The following PCDH15 variants were observed in gnomAD, a reference collection of about 807,000 sequenced individuals.
The protein encoded by PCDH15 is protocadherin-15.
Under a neutral mutation model 178.5 loss-of-function variants are expected in PCDH15, and 129 were observed. That is an observed-to-expected ratio of 0.72 (90% CI 0.63 to 0.84). The LOEUF (loss-of-function observed/expected upper bound fraction) is 0.84, where lower values mean the gene tolerates loss of function less well. PCDH15 is among the 40% of genes least tolerant of loss of function. The pLI, the probability that PCDH15 is intolerant of heterozygous loss-of-function variation, is 0.00. For missense variants in PCDH15, 2,230 were observed against 2,099.9 expected (o/e 1.06, Z -1.21); for synonymous variants, 800 against 732.0 (o/e 1.09, Z -1.50).
intron 14 of PCDH15, among the ~76,000 whole-genome samples, chr10:54,134,742 G>A (rs2042747756): frequency 1.4e-5 from 2 of 145,406 alleles, no homozygotes; most frequent in Non-Finnish European, 3.0e-5. Context: ...AACAGAGCAA[G>A]ACTCCGTCTC....
intron 2 of PCDH15, among the ~76,000 whole-genome samples, chr10:55,597,752 C>T (rs1209116730): frequency 6.6e-6 from 1 of 152,112 alleles, no homozygotes; most frequent in Admixed American, 6.5e-5. Flanking sequence ...CAGATTTATA[C>T]CCAACAAGAT....
At chr10:54,824,500 C>T (rs1953095388) in intron 3 of PCDH15, among the ~76,000 whole-genome samples, 1 of 152,120 alleles carries the variant, frequency 6.6e-6, no homozygotes, top group African/African-American at 2.4e-5. Flanking sequence ...AGGAGGCGCT[C>T]TCCAGCCTTT....
intron 5 of PCDH15, among the ~76,000 whole-genome samples, chr10:54,355,762 T>A (rs954558715): frequency 6.6e-6 from 1 of 151,996 alleles, no homozygotes; most frequent in Non-Finnish European, 1.5e-5. Flanking sequence ...CAGAAAAAAA[T>A]TGGTTCTCAG....
At chr10:54,228,881 C>A (rs1028476642) in intron 9 of PCDH15, among the ~76,000 whole-genome samples, 1 of 152,168 alleles carries the variant, frequency 6.6e-6, no homozygotes, top group Non-Finnish European at 1.5e-5. Flanking sequence ...TTTCTACATG[C>A]CTTAAATCAG....
chr10:54,066,711 C>T (rs753745820), intron 18 of PCDH15, 46 bp downstream of exon 18: 2 of 1,582,840 alleles, frequency 1.3e-6, no homozygotes, highest in South Asian at 1.1e-5. Flanking sequence ...TAAACTTACA[C>T]TCTTTGAAAA....
At chr10:54,351,761 T>G (rs1453905391) in intron 5 of PCDH15, among the ~76,000 whole-genome samples, 2 of 152,114 alleles carry the variant, frequency 1.3e-5, no homozygotes, top group South Asian at 2.1e-4. Context: ...CCTGCCCACC[T>G]TTTTTTGCTT....
intron 3 of PCDH15, among the ~76,000 whole-genome samples, chr10:54,866,758 A>G (rs1285436625): frequency 2.7e-5 from 4 of 145,850 alleles, no homozygotes; most frequent in African/African-American, 7.6e-5. Context: ...ACCTCTAAAT[A>G]GAATAAAAAA....
intron 3 of PCDH15, among the ~76,000 whole-genome samples, chr10:54,889,020 C>T (rs1954412706): frequency 6.6e-6 from 1 of 151,626 alleles, no homozygotes; most frequent in Non-Finnish European, 1.5e-5. Flanking sequence ...AATGATGTCT[C>T]CACTAGGCCA....
At chr10:53,844,656 A>G (rs546677590) in intron 28 of PCDH15, among the ~76,000 whole-genome samples, 23 of 152,082 alleles carry the variant, frequency 1.5e-4, no homozygotes, top group African/African-American at 5.1e-4. Flanking sequence ...ATGTATGATG[A>G]TAAGAAACTG....
intron 25 of PCDH15, among the ~76,000 whole-genome samples, chr10:53,911,091 C>G (rs1307879166): frequency 6.6e-6 from 1 of 152,162 alleles, no homozygotes; most frequent in African/African-American, 2.4e-5. Context: ...AAACACTCTT[C>G]AGGATATCAT....
chr10:55,432,935 A>G (rs963090899), intron 2 of PCDH15, among the ~76,000 whole-genome samples: 1 of 152,076 alleles, frequency 6.6e-6, no homozygotes, highest in Non-Finnish European at 1.5e-5. Flanking sequence ...GAGGCGGGAG[A>G]ATGGCCTGAA....
intron 4 of PCDH15, among the ~76,000 whole-genome samples, chr10:54,377,403 G>C (rs1307649915): frequency 1.3e-5 from 2 of 152,132 alleles, no homozygotes; most frequent in South Asian, 2.1e-4. Flanking sequence ...TGGGCACTAG[G>C]TTAAGGATAT....
At chr10:55,401,667 G>A (rs1350321517) in intron 2 of PCDH15, among the ~76,000 whole-genome samples, 1 of 148,878 alleles carries the variant, frequency 6.7e-6, no homozygotes, top group Non-Finnish European at 1.5e-5. Context: ...GAACAAATCT[G>A]CCCAATCAGG....
intron 2 of PCDH15, among the ~76,000 whole-genome samples, chr10:55,158,652 AAAG>A (rs1838965876): frequency 6.6e-6 from 1 of 151,606 alleles, no homozygotes; most frequent in Admixed American, 6.6e-5. Context: ...TGAAATCATT[AAAG>A]AAGTGGTACC....
chr10:54,429,061 TCTTGA>T (rs146256692), intron 3 of PCDH15, among the ~76,000 whole-genome samples: 23,832 of 152,050 alleles, frequency 0.16, 1,982 homozygotes, highest in Middle Eastern at 0.24. Flanking sequence ...TATAAATTAC[TCTTGA>T]CTTAAGTAGA....
At chr10:55,173,104 G>T (rs555073662) in intron 1 of PCDH15, among the ~76,000 whole-genome samples, 2 of 151,246 alleles carry the variant, frequency 1.3e-5, no homozygotes, top group African/African-American at 4.9e-5. Flanking sequence ...TATCAATTCT[G>T]CAAAAAATTG....
chr10:54,719,102 G>A, intron 1 of PCDH15, among the ~76,000 whole-genome samples: 1 of 150,042 alleles, frequency 6.7e-6, no homozygotes, highest in African/African-American at 2.5e-5. Context: ...CCAAGACAAA[G>A]CTGAAAAAAA....
At chr10:54,273,370 A>G (rs1028574812) in intron 8 of PCDH15, among the ~76,000 whole-genome samples, 1 of 94,260 alleles carries the variant, frequency 1.1e-5, no homozygotes, top group African/African-American at 3.0e-5. Flanking sequence ...AGGAAGTAGT[A>G]CAGTAAAAAA....
chr10:55,540,473 T>G (rs1841732627), intron 2 of PCDH15, among the ~76,000 whole-genome samples: 1 of 152,038 alleles, frequency 6.6e-6, no homozygotes, highest in South Asian at 2.1e-4. Flanking sequence ...AGTTTGTGTT[T>G]TCCTATTGCA....
Sources: gnomAD v4.1 joint callset for allele counts (sites outside exome capture counted in the v4.1 genomes callset) on GRCh38, gnomAD v4.1.1 for gene constraint, MANE v1.5 for transcripts, NCBI Gene and HGNC (gene_info 2026-07-23, HGNC 2026-07-21) for gene names.